IL1RAPL2: variants seen among roughly 807,000 people sequenced by gnomAD.
IL1RAPL2 encodes the protein interleukin 1 receptor accessory protein like 2, also known as X-linked interleukin-1 receptor accessory protein-like 2.
IL1RAPL2 carries 3 observed loss-of-function variants against 44.1 expected under a neutral mutation model. That is an observed-to-expected ratio of 0.07 (90% CI 0.03 to 0.18). The LOEUF is 0.18. Ranked by LOEUF, IL1RAPL2 falls within the 10% of genes least tolerant of loss-of-function variation. IL1RAPL2 has a pLI of 1.00. For missense variants in IL1RAPL2, 391 were observed against 496.4 expected (o/e 0.79, Z 2.02); for synonymous variants, 181 against 178.8 (o/e 1.01, Z -0.10).
chrX:104,616,163 C>T (rs1929273702), intron 1 of IL1RAPL2, among the ~76,000 whole-genome samples: 1 of 112,268 alleles, frequency 8.9e-6, no homozygotes, highest in Non-Finnish European at 1.9e-5. Context: ...TTTCTCCGCT[C>T]TGTATGTTCC....
At chrX:105,696,402 G>T (rs1300403705) in intron 6 of IL1RAPL2, among the ~76,000 whole-genome samples, 2 of 111,443 alleles carry the variant, frequency 1.8e-5, no homozygotes, top group Non-Finnish European at 3.8e-5. Context: ...TGTGCTATCT[G>T]AAGGGATGTG....
chrX:104,913,022 T>C (rs939298148), intron 2 of IL1RAPL2, among the ~76,000 whole-genome samples: 6 of 111,708 alleles, frequency 5.4e-5, no homozygotes, highest in African/African-American at 2.0e-4. Context: ...AGACTGTATC[T>C]ACCAGGGCCA....
At chrX:105,190,804 C>T (rs906948898) in intron 2 of IL1RAPL2, among the ~76,000 whole-genome samples, 1 of 112,372 alleles carries the variant, frequency 8.9e-6, no homozygotes, top group Non-Finnish European at 1.9e-5. Flanking sequence ...TTGATAATAA[C>T]AACTTATCCT....
At chrX:105,138,573 G>T (rs2033098814) in intron 2 of IL1RAPL2, among the ~76,000 whole-genome samples, 1 of 110,371 alleles carries the variant, frequency 9.1e-6, no homozygotes. Flanking sequence ...ACTCCTTTGG[G>T]GTTGGGAAAC....
rs1928035955 is a variant in IL1RAPL2, at chrX:104,566,585, T to C, written c.-486T>C. Reference sequence around the variant, plus strand: ...CGCCCGCGTCCCGGAGTGCACCGCTTGGCCGAGGCAAGGTGTTGCTGGGGC... The same window carrying C: ...CGCCCGCGTCCCGGAGTGCACCGCTCGGCCGAGGCAAGGTGTTGCTGGGGC... On this transcript the variant is annotated 5_prime_UTR_variant, in exon 1 of 11. Transcript: ENST00000372582. The C allele has an allele frequency of 8.9e-6, 1 of 112,991 alleles. No individual in the cohort carries two copies. The highest frequency in any genetic ancestry group is 1.9e-5 in the Non-Finnish European group (1 of 53,408). The allele number at this position is 112,991 out of a possible 1,213,427, so 9.3% of individuals were successfully genotyped here.
At chrX:105,153,669 T>G (rs137988485) in intron 2 of IL1RAPL2, among the ~76,000 whole-genome samples, 1 of 111,533 alleles carries the variant, frequency 9.0e-6, no homozygotes, top group East Asian at 2.8e-4. Flanking sequence ...AAGGTATACA[T>G]TGGTTTGTCC....
chrX:104,765,935 A>G (rs1361684111), intron 2 of IL1RAPL2, among the ~76,000 whole-genome samples: 1 of 112,343 alleles, frequency 8.9e-6, no homozygotes, highest in East Asian at 2.8e-4. Flanking sequence ...ATCTTGATGA[A>G]TTATTTCAAA....
At chrX:105,008,046 C>A (rs866297219) in intron 2 of IL1RAPL2, among the ~76,000 whole-genome samples, 1 of 1,032 alleles carries the variant, frequency 9.7e-4, no homozygotes, top group South Asian at 0.019. Context: ...CTGCTACAAC[C>A]GTATACTACA....
intron 2 of IL1RAPL2, among the ~76,000 whole-genome samples, chrX:104,847,762 G>A (rs1233346147): frequency 1.8e-5 from 2 of 111,820 alleles, no homozygotes; most frequent in Non-Finnish European, 3.8e-5. Flanking sequence ...GGATGGCATT[G>A]AATCTATAAA....
At chrX:104,781,787 A>G (rs1336042296) in intron 2 of IL1RAPL2, among the ~76,000 whole-genome samples, 2 of 112,333 alleles carry the variant, frequency 1.8e-5, no homozygotes, top group Admixed American at 9.5e-5. Context: ...TAGTCTCTAA[A>G]TAGGCAGGCG....
intron 6 of IL1RAPL2, among the ~76,000 whole-genome samples, chrX:105,557,209 T>C (rs1277458569): frequency 3.6e-5 from 4 of 111,893 alleles, no homozygotes; most frequent in African/African-American, 1.3e-4. Flanking sequence ...ACAATCCCCC[T>C]CTTTCTCTGC....
intron 2 of IL1RAPL2, among the ~76,000 whole-genome samples, chrX:104,714,083 C>G (rs1467540561): frequency 9.0e-6 from 1 of 110,630 alleles, no homozygotes; most frequent in Non-Finnish European, 1.9e-5. Context: ...TTGACTTCCT[C>G]TCTTTCTATT....
At chrX:104,688,551 T>C (rs1294004051) in intron 2 of IL1RAPL2, among the ~76,000 whole-genome samples, 1 of 111,520 alleles carries the variant, frequency 9.0e-6, no homozygotes, top group East Asian at 2.8e-4. Flanking sequence ...TGTATGTTTG[T>C]TGAATGAATG....
chrX:105,352,101 A>AT (rs199917383), intron 5 of IL1RAPL2, among the ~76,000 whole-genome samples: 13,752 of 108,578 alleles, frequency 0.13, 2,272 homozygotes, highest in African/African-American at 0.44. Context: ...TTAAAAAACA[A>AT]TTTTTTTTTC....
At chrX:105,076,672 T>G (rs1281567730) in intron 2 of IL1RAPL2, among the ~76,000 whole-genome samples, 5 of 111,220 alleles carry the variant, frequency 4.5e-5, no homozygotes, top group African/African-American at 9.8e-5. Context: ...TATTGTGTGG[T>G]GGTCTAAGTC....
At chrX:104,989,886 C>A (rs1024278421) in intron 2 of IL1RAPL2, among the ~76,000 whole-genome samples, 7 of 111,700 alleles carry the variant, frequency 6.3e-5, no homozygotes, top group African/African-American at 1.6e-4. Flanking sequence ...TGTAAAAAAT[C>A]AGATTCCACT....
rs770832174 is a variant in IL1RAPL2, at chrX:105,115,921, C to T, written c.83-79554C>T. On this transcript the variant is annotated intron_variant, in intron 2 of 10. Transcript: ENST00000372582. ...CCGCAGAGAGGCAGCTAAGGCCTGG[C>T]GAGAAATCAAGCACAGCAGCTGCTG... is the stretch of plus-strand genomic sequence containing the variant. Among the ~76,000 whole-genome samples, 328 of 113,258 alleles carry T rather than the reference C, an allele frequency of 2.9e-3. 1 individual carries two copies. Among genetic ancestry groups the T allele is most frequent in the African/African-American group, 0.01 (318 of 31,320 alleles).
chrX:105,355,059 C>G (rs140866119), intron 5 of IL1RAPL2, among the ~76,000 whole-genome samples: 11 of 111,749 alleles, frequency 9.8e-5, no homozygotes, highest in East Asian at 8.5e-4. Flanking sequence ...TTTAATTCTT[C>G]CACTGAACTG....
At chrX:104,894,664 G>T (rs1184659932) in intron 2 of IL1RAPL2, among the ~76,000 whole-genome samples, 3 of 111,548 alleles carry the variant, frequency 2.7e-5, no homozygotes, top group African/African-American at 6.5e-5. Flanking sequence ...TCTCTACATT[G>T]GTTATTCTAG....
Sources: gnomAD v4.1 joint callset for allele counts (sites outside exome capture counted in the v4.1 genomes callset) on GRCh38, gnomAD v4.1.1 for gene constraint, MANE v1.5 for transcripts, NCBI Gene and HGNC (gene_info 2026-07-23, HGNC 2026-07-21) for gene names.